Variants in ZNF562 observed in about 807,000 individuals in gnomAD.
ZNF562 encodes zinc finger protein 562.
A neutral mutation model predicts 17.5 loss-of-function variants in ZNF562; 13 were observed. The observed-to-expected ratio is 0.74, with a 90% CI of 0.48 to 1.18. The LOEUF (loss-of-function observed/expected upper bound fraction) is 1.18, where lower values mean the gene tolerates loss of function less well. Ranked by LOEUF, ZNF562 falls within the 50% of genes most tolerant of loss-of-function variation. The pLI is 0.00. For missense variants in ZNF562, 481 were observed against 498.5 expected (o/e 0.96, Z 0.33); for synonymous variants, 163 against 165.4 (o/e 0.99, Z 0.11).
chr19:9,672,960 C>T (rs1021462215), intron 1 of ZNF562, among the ~76,000 whole-genome samples: 16 of 151,960 alleles, frequency 1.1e-4, no homozygotes, highest in Admixed American at 5.9e-4. Flanking sequence ...AAAGTTCAGC[C>T]TGTAAACTTC....
In ZNF562 at chr19:9,643,678, T is replaced by C. The variant is rs2074787833; in HGVS notation, c.*9271A>G. On this transcript the variant is annotated 3_prime_UTR_variant, in exon 6 of 6. Coordinates refer to ENST00000453372, the MANE Select transcript of ZNF562 (RefSeq NM_001130031.2). ...CTCACTGCATTTTTTAATTTTTAAG[T>C]TTTTTGTAGATGGGGGGCTTGCTAT... The C allele has an allele frequency of 1.3e-5, 2 of 151,796 alleles. 1 individual carries two copies. The highest frequency in any genetic ancestry group is 4.2e-4 in the South Asian group (2 of 4,806). 9.4% of individuals were successfully genotyped at this position (151,796 alleles called of 1,614,324 possible). A position where few individuals can be genotyped will look rare whatever the true frequency, so the allele number is the denominator to read the frequency against.
Position 9,643,447 on chromosome 19 carries a change from T to C in ZNF562, c.*9502A>G, listed in dbSNP as rs1303137575. On this transcript the variant is annotated 3_prime_UTR_variant, in exon 6 of 6. Coordinates refer to ENST00000453372, the MANE Select transcript of ZNF562 (RefSeq NM_001130031.2). The stretch of plus-strand genomic sequence containing the variant: ...TCCAGGCATCATCCATAATGATGAA[T>C]GCACAAATACAAAGATACGAATGAG... The C allele has an allele frequency of 6.6e-6, 1 of 152,162 alleles. No homozygotes were observed. The highest frequency in any genetic ancestry group is 1.5e-5 in the Non-Finnish European group (1 of 68,036). 9.4% of individuals were successfully genotyped at this position (152,162 alleles called of 1,614,324 possible). A position where few individuals can be genotyped will look rare whatever the true frequency, so the allele number is the denominator to read the frequency against.
rs1038285718 is a variant in ZNF562, at chr19:9,649,301, T to C, written c.*3648A>G. On this transcript the variant is annotated 3_prime_UTR_variant, in exon 6 of 6. Coordinates refer to ENST00000453372, the MANE Select transcript of ZNF562 (RefSeq NM_001130031.2). Reference sequence around the variant, plus strand: ...GTAATAATTGCATTAACTGCACAAATTATACAGCATGTGTGTTTGAGCAAT... The same window carrying C: ...GTAATAATTGCATTAACTGCACAAACTATACAGCATGTGTGTTTGAGCAAT... 1 of 152,192 alleles carries C rather than the reference T, an allele frequency of 6.6e-6. No homozygotes were observed. Among genetic ancestry groups the C allele is most frequent in the African/African-American group, 2.4e-5 (1 of 41,452 alleles). 9.4% of individuals were successfully genotyped at this position (152,192 alleles called of 1,614,324 possible).
Position 9,648,638 on chromosome 19 carries a change from C to G in ZNF562, c.*4311G>C, listed in dbSNP as rs1021357561. 1 of 151,778 alleles carries G rather than the reference C, an allele frequency of 6.6e-6. No individual in the cohort carries two copies. Among genetic ancestry groups the G allele is most frequent in the African/African-American group, 2.4e-5 (1 of 41,346 alleles). The allele number at this position is 151,778 out of a possible 1,614,324, so 9.4% of individuals were successfully genotyped here. The stretch of plus-strand genomic sequence containing the variant: ...TGTTTTAGAAAAGCGCCTTTCCATG[C>G]ATTCACTTCTTCAAGTTTTTTTTTT... On this transcript the variant is annotated 3_prime_UTR_variant, in exon 6 of 6. Transcript: ENST00000453372.
At chr19:9,661,041 G>A (rs2043715753) in intron 1 of ZNF562, among the ~76,000 whole-genome samples, 167 bp from the exon 2 acceptor site, 1 of 152,164 alleles carries the variant, frequency 6.6e-6, no homozygotes, top group African/African-American at 2.4e-5. Flanking sequence ...ATTTATTGAG[G>A]ACTAGTATGT....
At chr19:9,654,345 C>T (rs1316579872) in intron 5 of ZNF562, among the ~76,000 whole-genome samples, 1 of 152,142 alleles carries the variant, frequency 6.6e-6, no homozygotes, top group Non-Finnish European at 1.5e-5. Context: ...CTATAGTGCA[C>T]TGCAGTGATC....
chr19:9,659,010 T>A (rs1167640775), intron 3 of ZNF562, among the ~76,000 whole-genome samples: 1 of 152,218 alleles, frequency 6.6e-6, no homozygotes, highest in Non-Finnish European at 1.5e-5. Context: ...CATTGGTCTC[T>A]GGGCAGCACA....
chr19:9,657,765 TC>T (rs2043567180), intron 4 of ZNF562, among the ~76,000 whole-genome samples: 2 of 152,058 alleles, frequency 1.3e-5, no homozygotes, highest in African/African-American at 4.8e-5. Flanking sequence ...GCCAGGCTGG[TC>T]TTGATTTCCT....
In ZNF562 at chr19:9,651,915, C is replaced by A. The variant is rs1408727075; in HGVS notation, c.*1034G>T. 1.3e-5 allele frequency: 2 copies of A among 152,148 alleles called. No individual in the cohort carries two copies. Among genetic ancestry groups the A allele is most frequent in the Admixed American group, 1.3e-4 (2 of 15,282 alleles). The allele number at this position is 152,148 out of a possible 1,614,324, so 9.4% of individuals were successfully genotyped here. A position where few individuals can be genotyped will look rare whatever the true frequency, so the allele number is the denominator to read the frequency against. The stretch of plus-strand genomic sequence containing the variant: ...TAGAGCCACTGGGTTAGGGTCTCCA[C>A]GACCCAGCTGGTCTCGGCAAAAATG... On this transcript the variant is annotated 3_prime_UTR_variant, in exon 6 of 6. Coordinates refer to ENST00000453372, the MANE Select transcript of ZNF562 (RefSeq NM_001130031.2).
In ZNF562 at chr19:9,653,723, G is replaced by A; in HGVS notation, c.507C>T (p.Ala169=). 1 of 1,614,096 alleles carries A rather than the reference G, an allele frequency of 6.2e-7. No homozygotes were observed. Among genetic ancestry groups the A allele is most frequent in the Non-Finnish European group, 8.5e-7 (1 of 1,179,972 alleles). ...ATTTGGAAAGTTCTTGTCCAATAGA[G>A]GCTTCCTTGTGCACACTGATGCTGT... ...GKDSISVHKE[A]SIGQELSKFN... is the part of the protein sequence containing the mutation. Residue 169 remains alanine (A), a synonymous_variant, in exon 6 of 6, where the codon GCC becomes GCT. Transcript: ENST00000453372.
chr19:9,661,623 G>A (rs2043742319), intron 1 of ZNF562, among the ~76,000 whole-genome samples: 1 of 152,122 alleles, frequency 6.6e-6, no homozygotes, highest in Non-Finnish European at 1.5e-5. Context: ...GTGAAACCCT[G>A]TCTCTACTAA....
chr19:9,670,924 G>C (rs1032042386), intron 1 of ZNF562, among the ~76,000 whole-genome samples: 1 of 151,408 alleles, frequency 6.6e-6, no homozygotes, highest in Non-Finnish European at 1.5e-5. Flanking sequence ...TTGAATCCGG[G>C]AGGAGGCAGA....
rs536493613 is a variant in ZNF562 at position 9,653,801 on chromosome 19, G to C, written c.429C>G (p.His143Gln). The change falls in exon 6 of 6, where the codon CAC becomes CAG. Residue 143 changes from histidine to glutamine, a missense_variant. Coordinates refer to ENST00000453372, the MANE Select transcript of ZNF562 (RefSeq NM_001130031.2). ...TGTTCCCTCCATTCTGAGCTCTCATGTGTGTCTTAAGGCAAAACTGTTCAC... is the reference window on the plus strand; with the variant it reads ...TGTTCCCTCCATTCTGAGCTCTCATCTGTGTCTTAAGGCAAAACTGTTCAC... ...VFSEQFCLKT[H>Q]MRAQNGGNTF... 6.2e-7 allele frequency: 1 copy of C among 1,613,778 alleles called. No homozygotes were observed. The highest frequency in any genetic ancestry group is 1.1e-5 in the South Asian group (1 of 91,042).
At chr19:9,673,035 A>G (rs920119418) in intron 1 of ZNF562, among the ~76,000 whole-genome samples, 2 of 151,950 alleles carry the variant, frequency 1.3e-5, no homozygotes, top group African/African-American at 4.8e-5. Flanking sequence ...AGTTACTGTA[A>G]ACAACCTTCC....
chr19:9,652,582 T>C lies in ZNF562; in HGVS notation c.*367A>G. The C allele has an allele frequency of 5.9e-6, 1 of 170,718 alleles. No homozygotes were observed. Among genetic ancestry groups the C allele is most frequent in the Non-Finnish European group, 1.3e-5 (1 of 79,700 alleles). 10.6% of individuals were successfully genotyped at this position (170,718 alleles called of 1,614,324 possible). A position where few individuals can be genotyped will look rare whatever the true frequency, so the allele number is the denominator to read the frequency against. The stretch of plus-strand genomic sequence containing the variant: ...CTGACCTCACCATCCATGACCCTTC[T>C]TCACAGATGCCCAGACTCAGGTAAC... On this transcript the variant is annotated 3_prime_UTR_variant, in exon 6 of 6. Coordinates refer to ENST00000453372, the MANE Select transcript of ZNF562 (RefSeq NM_001130031.2).
At chr19:9,673,636 G>GA (rs980363984) in intron 1 of ZNF562, among the ~76,000 whole-genome samples, 1 of 151,516 alleles carries the variant, frequency 6.6e-6, no homozygotes, top group Admixed American at 6.6e-5. Context: ...GTAACAATTA[G>GA]AAAAAAAATA....
intron 1 of ZNF562, among the ~76,000 whole-genome samples, chr19:9,667,172 A>G (rs1180133402): frequency 2.0e-5 from 3 of 152,212 alleles, no homozygotes; most frequent in African/African-American, 7.2e-5. Flanking sequence ...ATTCATCACA[A>G]TCAAGTGAAA....
chr19:9,655,713 C>CTTTTTTT (rs2043444189), intron 5 of ZNF562, among the ~76,000 whole-genome samples: 1 of 54,552 alleles, frequency 1.8e-5, no homozygotes, highest in African/African-American at 6.8e-5. Flanking sequence ...ACTTTCTTTT[C>CTTTTTTT]TTTCTTTTTT....
chr19:9,666,750 T>G (rs1046831008), intron 1 of ZNF562, among the ~76,000 whole-genome samples: 1 of 151,890 alleles, frequency 6.6e-6, no homozygotes, highest in African/African-American at 2.4e-5. Context: ...TATGAAAAAC[T>G]ATATCCCAAC....
Sources: gnomAD v4.1 joint callset for allele counts (sites outside exome capture counted in the v4.1 genomes callset) on GRCh38, gnomAD v4.1.1 for gene constraint, MANE v1.5 for transcripts, NCBI Gene and HGNC (gene_info 2026-07-23, HGNC 2026-07-21) for gene names.